The following HELQ variants were observed in gnomAD, a reference collection of about 807,000 sequenced individuals.
HELQ encodes helicase POLQ-like.
In HELQ, 77 loss-of-function variants were observed where a neutral mutation model predicts 111.6. The ratio of observed to expected loss-of-function variants is 0.69; its 90% CI spans 0.57 to 0.83. The LOEUF is 0.83. HELQ is among the 40% of genes least tolerant of loss of function. The pLI is 0.00. For missense variants in HELQ, 1,200 were observed against 1,288.5 expected (o/e 0.93, Z 1.05); for synonymous variants, 438 against 454.7 (o/e 0.96, Z 0.47).
intron 17 of HELQ, among the ~76,000 whole-genome samples, chr4:83,408,245 C>A (rs561161388): frequency 6.6e-6 from 1 of 151,898 alleles, no homozygotes; most frequent in African/African-American, 2.4e-5. Flanking sequence ...AATTCCGCTC[C>A]CCCCCACCCG....
chr4:83,409,952 A>G (rs905923020), intron 17 of HELQ, among the ~76,000 whole-genome samples: 1 of 152,178 alleles, frequency 6.6e-6, no homozygotes, highest in Non-Finnish European at 1.5e-5. Context: ...AACAATAAAG[A>G]GAATAAAAAC....
intron 8 of HELQ, among the ~76,000 whole-genome samples, chr4:83,437,756 T>C (rs1416291510): frequency 6.6e-6 from 1 of 152,188 alleles, no homozygotes; most frequent in East Asian, 1.9e-4. Context: ...CTCTGGATGT[T>C]ATAACTGTTT....
At chr4:83,417,566 G>T (rs1739432962) in intron 16 of HELQ, among the ~76,000 whole-genome samples, 1 of 152,122 alleles carries the variant, frequency 6.6e-6, no homozygotes, top group African/African-American at 2.4e-5. Flanking sequence ...CTCTCTGTGT[G>T]TGTGCGTGTG....
intron 3 of HELQ, among the ~76,000 whole-genome samples, 181 bp downstream of exon 3, chr4:83,448,602 G>A (rs1274745620): frequency 2.0e-5 from 3 of 151,496 alleles, no homozygotes; most frequent in Non-Finnish European, 2.9e-5. Flanking sequence ...CCTGGGAGGC[G>A]GAGGTTGCAG....
chr4:83,433,469 C>A (rs1224605022), intron 9 of HELQ, among the ~76,000 whole-genome samples: 1 of 151,970 alleles, frequency 6.6e-6, no homozygotes, highest in Non-Finnish European at 1.5e-5. Flanking sequence ...AGATGGAGAC[C>A]ATCCTGGCTA....
rs866167994 is a variant in HELQ, at chr4:83,443,594, T to A, written c.1486A>T (p.Met496Leu). ...YTSKTTQIIG[M>L]SATLNNVEDL... ...TCAACATTGTTTAATGTTGCACTCA[T>A]ACCAATAATTTGAGTCGTTTCTAAA... is the stretch of plus-strand genomic sequence containing the variant. Residue 496 changes from methionine (M) to leucine (L), a missense_variant, in exon 6 of 18, where the codon ATG becomes TTG. Met to Leu is a conservative substitution (Grantham distance 15). Coordinates refer to ENST00000295488, the MANE Select transcript of HELQ (RefSeq NM_133636.5). 7.7e-6 allele frequency: 12 copies of A among 1,566,782 alleles called. No homozygotes were observed. Among genetic ancestry groups the A allele is most frequent in the Middle Eastern group, 3.4e-4 (2 of 5,912 alleles).
intron 9 of HELQ, among the ~76,000 whole-genome samples, chr4:83,434,216 T>C (rs1459065853): frequency 6.8e-6 from 1 of 146,598 alleles, no homozygotes; most frequent in Non-Finnish European, 1.5e-5. Context: ...ACTAAAAATA[T>C]AAAAATTAGC....
At chr4:83,450,749 T>A (rs966983467) in intron 2 of HELQ, among the ~76,000 whole-genome samples, 3 of 151,822 alleles carry the variant, frequency 2.0e-5, no homozygotes, top group Middle Eastern at 3.5e-3. Context: ...CAGGACTGCT[T>A]AAGCCCAGGA....
chr4:83,449,033 A>G, intron 2 of HELQ, 72 bp from the exon 3 acceptor site: 1 of 1,108,734 alleles, frequency 9.0e-7, no homozygotes, highest in Non-Finnish European at 1.3e-6. Context: ...TTCTAAGAAA[A>G]AAAATCAAAT....
At chr4:83,437,780 A>T (rs571357429) in intron 8 of HELQ, among the ~76,000 whole-genome samples, 2 of 152,060 alleles carry the variant, frequency 1.3e-5, no homozygotes, top group African/African-American at 4.8e-5. Flanking sequence ...TCTTTATAAC[A>T]TATATCTTTA....
intron 14 of HELQ, among the ~76,000 whole-genome samples, chr4:83,424,582 A>G (rs144740627): frequency 0.012 from 1,848 of 149,640 alleles, 16 homozygotes; most frequent in Middle Eastern, 0.031. Flanking sequence ...TTTTTGAGAC[A>G]GAGTCTTGCT....
chr4:83,427,516 T>G lies in HELQ; in HGVS notation c.2676+47A>C, dbSNP rs746543337. The G allele has an allele frequency of 1.5e-5, 21 of 1,411,834 alleles. 1 individual carries two copies. Among genetic ancestry groups the G allele is most frequent in the Non-Finnish European group, 1.8e-5 (19 of 1,063,958 alleles). 87.5% of individuals were successfully genotyped at this position (1,411,834 alleles called of 1,614,324 possible). Reference sequence around the variant, plus strand: ...AAAAACAAAACAAAACAGCATGTAATAATTCATAAACGAAGTAGCCTAAGT... The same window carrying G: ...AAAAACAAAACAAAACAGCATGTAAGAATTCATAAACGAAGTAGCCTAAGT... On this transcript the variant is annotated intron_variant, in intron 13 of 17. Coordinates refer to ENST00000295488, the MANE Select transcript of HELQ (RefSeq NM_133636.5).
At chr4:83,418,066 C>A in intron 16 of HELQ, 27 bp downstream of exon 16, 1 of 1,267,230 alleles carries the variant, frequency 7.9e-7, no homozygotes, top group Non-Finnish European at 1.1e-6. Context: ...AACATAATTT[C>A]AATTGGGAAA....
chr4:83,427,687 T>C lies in HELQ; in HGVS notation c.2552A>G (p.Tyr851Cys). 1 of 1,580,930 alleles carries C rather than the reference T, an allele frequency of 6.3e-7. No homozygotes were observed. The highest frequency in any genetic ancestry group is 1.7e-4 in the Middle Eastern group (1 of 5,938). ...TIDLAYCDIL[Y>C]RDLKKGLEGL... ...TTCAAGACCTTTCTTCAAGTCTCTGTACAGAATGTCACAATAAGCTAAATC... is the reference window on the plus strand; with the variant it reads ...TTCAAGACCTTTCTTCAAGTCTCTGCACAGAATGTCACAATAAGCTAAATC... Residue 851 changes from tyrosine (Y) to cysteine (C), a missense_variant, in exon 13 of 18, where the codon TAC becomes TGC. Tyr to Cys is a radical substitution (Grantham distance 194, BLOSUM62 -2). This residue lies in a region of HELQ where 585 missense variants were observed against 665.3 expected (regional missense o/e 0.88). Coordinates refer to ENST00000295488, the MANE Select transcript of HELQ (RefSeq NM_133636.5).
At chr4:83,409,241 A>G (rs1738958377) in intron 17 of HELQ, among the ~76,000 whole-genome samples, 1 of 152,160 alleles carries the variant, frequency 6.6e-6, no homozygotes, top group Non-Finnish European at 1.5e-5. Context: ...TCTCATCTAT[A>G]CAAAACTACT....
intron 9 of HELQ, among the ~76,000 whole-genome samples, chr4:83,434,822 TG>T (rs748977729): frequency 9.9e-5 from 15 of 151,936 alleles, no homozygotes; most frequent in Non-Finnish European, 1.3e-4. Context: ...TTCCACATTC[TG>T]AAAAATGTGT....
chr4:83,450,853 C>T (rs188647986), intron 2 of HELQ, among the ~76,000 whole-genome samples: 2 of 152,216 alleles, frequency 1.3e-5, no homozygotes, highest in East Asian at 1.9e-4. Flanking sequence ...ATAGTCCCCA[C>T]GACTTGGGAG....
At position 83,453,656 on chromosome 4, in the gene HELQ, G is replaced by A. The variant is rs1721532162; in HGVS notation, c.587C>T (p.Pro196Leu). ...TTCAAAGTATATAGCCTGTGAGGAA[G>A]GTACATCATACAAAAGATCAGCTCC... is the stretch of plus-strand genomic sequence containing the variant. ...EPGADLLYDV[P>L]SSQAIYFENL... The change falls in exon 2 of 18, where the codon CCT becomes CTT. Residue 196 changes from proline to leucine, a missense_variant. Around this residue, in one of 3 missense-constraint regions of HELQ, gnomAD observed 610 missense variants for 607.1 expected, o/e 1.00. Coordinates refer to ENST00000295488, the MANE Select transcript of HELQ (RefSeq NM_133636.5). 1 of 1,614,046 alleles carries A rather than the reference G, an allele frequency of 6.2e-7. No individual in the cohort carries two copies. The highest frequency in any genetic ancestry group is 2.2e-5 in the East Asian group (1 of 44,882).
chr4:83,409,720 G>C (rs1738987940), intron 17 of HELQ, among the ~76,000 whole-genome samples: 1 of 151,990 alleles, frequency 6.6e-6, no homozygotes, highest in Non-Finnish European at 1.5e-5. Flanking sequence ...GAGTAGAAAT[G>C]CTCTCTAAAT....
Sources: allele counts gnomAD v4.1 joint callset (sites outside exome capture counted in the v4.1 genomes callset), GRCh38; gene constraint gnomAD v4.1.1; regional missense constraint gnomAD v4.1.1; transcripts MANE v1.5; gene names NCBI Gene and HGNC (gene_info 2026-07-23, HGNC 2026-07-21).